Variants in CADPS2 observed in about 807,000 individuals in gnomAD.
CADPS2 encodes calcium-dependent secretion activator 2.
CADPS2 carries 93 observed loss-of-function variants against 172.5 expected under a neutral mutation model. The observed-to-expected ratio is 0.54, with a 90% CI of 0.46 to 0.64. The LOEUF (loss-of-function observed/expected upper bound fraction) is 0.64, where lower values mean the gene tolerates loss of function less well. CADPS2 is among the 30% of genes least tolerant of loss of function. CADPS2 has a pLI of 0.00. For synonymous variants in CADPS2, 546 were observed against 555.2 expected, an observed-to-expected ratio of 0.98 and a Z score of 0.23; for missense variants, 1,420 against 1,565.9, an observed-to-expected ratio of 0.91 and a Z score of 1.57.
intron 19 of CADPS2, among the ~76,000 whole-genome samples, chr7:122,412,139 G>A (rs1033043461): frequency 3.9e-5 from 6 of 152,172 alleles, no homozygotes; most frequent in South Asian, 2.1e-4. Flanking sequence ...CTTCCAAGAT[G>A]AGGGACATTT....
intron 1 of CADPS2, among the ~76,000 whole-genome samples, chr7:122,790,980 T>A (rs1454987921): frequency 1.3e-5 from 2 of 152,142 alleles, no homozygotes; most frequent in East Asian, 3.8e-4. Flanking sequence ...AAGGGACAAA[T>A]CATTTTTATC....
In CADPS2 at chr7:122,490,163, A is replaced by C. The variant is rs765039834; in HGVS notation, c.1770T>G (p.Gly590=). The change falls in exon 11 of 30, where the codon GGT becomes GGG. Residue 590 remains glycine (G), a synonymous_variant. Transcript: ENST00000449022. ...LWVQAMYRAT[G]QSYKPVPAIQ... is the part of the protein sequence containing the mutation. ...TTGCAGGAACTGGTTTATATGATTG[A>C]CCTGTGGCCCTATACATGGCTTGAA... 5 of 1,613,364 alleles carry C rather than the reference A, an allele frequency of 3.1e-6. No individual in the cohort carries two copies. In the Admixed American group the frequency reaches 8.3e-5, roughly 27 times the overall value.
intron 2 of CADPS2, among the ~76,000 whole-genome samples, chr7:122,715,401 T>C (rs185058777): frequency 6.4e-4 from 97 of 152,228 alleles, no homozygotes; most frequent in African/African-American, 2.3e-3. Context: ...AAGTGGTGAC[T>C]TGAGCTTGTG....
At chr7:122,320,781 GA>G (rs1554423943) in intron 29 of CADPS2, among the ~76,000 whole-genome samples, 1 of 152,092 alleles carries the variant, frequency 6.6e-6, no homozygotes, top group Non-Finnish European at 1.5e-5. Flanking sequence ...TGTGGAGGAA[GA>G]AGATTAATCC....
intron 2 of CADPS2, among the ~76,000 whole-genome samples, chr7:122,726,885 A>G (rs192549622): frequency 6.6e-6 from 1 of 152,134 alleles, no homozygotes; most frequent in Non-Finnish European, 1.5e-5. Context: ...GACAAGATAA[A>G]GTAAAATGAA....
chr7:122,722,530 A>G (rs2090557457), intron 2 of CADPS2, among the ~76,000 whole-genome samples: 3 of 151,772 alleles, frequency 2.0e-5, no homozygotes, highest in Admixed American at 1.3e-4. Context: ...CCGCTGCTCA[A>G]CGAAATAAAA....
intron 2 of CADPS2, among the ~76,000 whole-genome samples, chr7:122,670,941 C>T (rs946764074): frequency 5.3e-5 from 8 of 151,926 alleles, no homozygotes; most frequent in African/African-American, 1.2e-4. Flanking sequence ...GCTGGATCTC[C>T]GTGCTCCAGT....
chr7:122,487,123 A>G (rs1341118043), intron 11 of CADPS2, among the ~76,000 whole-genome samples: 1 of 146,996 alleles, frequency 6.8e-6, no homozygotes, highest in African/African-American at 2.5e-5. Context: ...CAGTTCTCCT[A>G]CTTCAAGCCT....
intron 27 of CADPS2, among the ~76,000 whole-genome samples, chr7:122,352,913 G>A (rs1418767894): frequency 6.6e-6 from 1 of 152,198 alleles, no homozygotes; most frequent in Non-Finnish European, 1.5e-5. Context: ...TTGGTAACTG[G>A]TCACGTTCTT....
At chr7:122,489,477 T>C (rs2058101749) in intron 11 of CADPS2, among the ~76,000 whole-genome samples, 1 of 152,152 alleles carries the variant, frequency 6.6e-6, no homozygotes, top group East Asian at 1.9e-4. Flanking sequence ...GGTTTGAAGA[T>C]GTTTTGACCA....
chr7:122,819,435 G>C (rs1383115176), intron 1 of CADPS2, among the ~76,000 whole-genome samples: 1 of 152,024 alleles, frequency 6.6e-6, no homozygotes, highest in Non-Finnish European at 1.5e-5. Context: ...AGACCATCAC[G>C]GACGCCAAGC....
intron 2 of CADPS2, among the ~76,000 whole-genome samples, chr7:122,733,159 T>C (rs2137620389): frequency 6.6e-6 from 1 of 151,870 alleles, no homozygotes. Context: ...CCATGCTTCA[T>C]ATATATCTAG....
At chr7:122,725,409 A>AGATTGATT (rs759862513) in intron 2 of CADPS2, among the ~76,000 whole-genome samples, 2 of 151,752 alleles carry the variant, frequency 1.3e-5, no homozygotes, top group East Asian at 1.9e-4. Context: ...ATGGATGGAT[A>AGATTGATT]GATTGATTGA....
At chr7:122,878,360 G>T (rs1374840280) in intron 1 of CADPS2, among the ~76,000 whole-genome samples, 1 of 150,572 alleles carries the variant, frequency 6.6e-6, no homozygotes, top group East Asian at 2.0e-4. Context: ...AAATTAAAAC[G>T]CAATGTTGTC....
intron 13 of CADPS2, among the ~76,000 whole-genome samples, chr7:122,472,401 T>A (rs1051018129): frequency 6.6e-6 from 1 of 152,104 alleles, no homozygotes; most frequent in Admixed American, 6.5e-5. Flanking sequence ...GGTGTGGTAT[T>A]TATATGCTTT....
chr7:122,637,464 C>G (rs2077192913), intron 3 of CADPS2, among the ~76,000 whole-genome samples: 1 of 152,126 alleles, frequency 6.6e-6, no homozygotes, highest in Non-Finnish European at 1.5e-5. Flanking sequence ...GCCACTGTGC[C>G]TGGACTATTA....
intron 27 of CADPS2, among the ~76,000 whole-genome samples, chr7:122,349,318 T>A (rs1329806041): frequency 6.6e-6 from 1 of 152,000 alleles, no homozygotes; most frequent in Non-Finnish European, 1.5e-5. Flanking sequence ...ATGAGAAAAA[T>A]AACAAAAACC....
At chr7:122,521,346 A>G (rs904476383) in intron 8 of CADPS2, among the ~76,000 whole-genome samples, 3 of 152,104 alleles carry the variant, frequency 2.0e-5, no homozygotes, top group Non-Finnish European at 2.9e-5. Flanking sequence ...GTGAAAACCA[A>G]TAGGGACCAA....
Position 122,785,816 on chromosome 7 carries a change from G to A in CADPS2, c.340-48748C>T, listed in dbSNP as rs151076952. On this transcript the variant is annotated intron_variant, in intron 1 of 29. Transcript: ENST00000449022. ...AACACTATTCTCTCACTAGGGCTCA[G>A]ACCATTTAGAGGAAGCCCTCCCACC... is the stretch of plus-strand genomic sequence containing the variant. 2.4e-4 allele frequency among the ~76,000 whole-genome samples: 37 copies of A among 152,174 alleles called. No homozygotes were observed. In the East Asian group the frequency reaches 4.5e-3, roughly 18 times the overall value.
Sources: allele counts gnomAD v4.1 joint callset (sites outside exome capture counted in the v4.1 genomes callset), GRCh38; gene constraint gnomAD v4.1.1; transcripts MANE v1.5; gene names NCBI Gene and HGNC (gene_info 2026-07-23, HGNC 2026-07-21).